CCDC62: variants seen among roughly 807,000 people sequenced by gnomAD.
The protein encoded by CCDC62 is coiled-coil domain containing 62.
CCDC62 carries 72 observed loss-of-function variants against 80.8 expected under a neutral mutation model. The ratio of observed to expected loss-of-function variants is 0.89; its 90% confidence interval spans 0.74 to 1.08. CCDC62 has a LOEUF of 1.08. CCDC62 is among the 50% of genes least tolerant of loss of function. CCDC62 has a pLI of 0.00. For synonymous variants in CCDC62, 286 were observed against 296.5 expected (o/e 0.96, Z 0.36); for missense variants, 704 against 809.4 (o/e 0.87, Z 1.58).
intron 10 of CCDC62, among the ~76,000 whole-genome samples, chr12:122,811,975 T>C (rs2031912172): frequency 6.6e-6 from 1 of 152,118 alleles, no homozygotes; most frequent in African/African-American, 2.4e-5. Context: ...TTTCAAGGCT[T>C]ATAAGCCTTT....
At chr12:122,798,393 A>T (rs1159883202) in intron 8 of CCDC62, among the ~76,000 whole-genome samples, 193 bp downstream of exon 8, 1 of 152,108 alleles carries the variant, frequency 6.6e-6, no homozygotes, top group African/African-American at 2.4e-5. Context: ...ACCTGAGGTC[A>T]GGAGTTCGAG....
At chr12:122,806,065 C>T in intron 9 of CCDC62, 86 bp from the exon 10 acceptor site, 1 of 1,233,176 alleles carries the variant, frequency 8.1e-7, no homozygotes, top group Non-Finnish European at 1.1e-6. Context: ...CTTATTTGTC[C>T]TTTTAAGATA....
intron 10 of CCDC62, 108 bp from the exon 11 acceptor site, chr12:122,813,162 G>C: frequency 8.2e-7 from 1 of 1,217,258 alleles, no homozygotes; most frequent in East Asian, 2.5e-5. Flanking sequence ...CTGCACTTCA[G>C]CCTGGGCGTC....
rs370873598 is a variant in CCDC62 at position 122,823,584 on chromosome 12, G to A, written c.*40+125G>A. The A allele has an allele frequency of 1.4e-4, 79 of 565,122 alleles. No individual in the cohort carries two copies. In the African/African-American group the frequency reaches 1.4e-3, roughly 10 times the overall value. The allele number at this position is 565,122 out of a possible 1,614,324, so 35.0% of individuals were successfully genotyped here. A position where few individuals can be genotyped will look rare whatever the true frequency, so the allele number is the denominator to read the frequency against. On this transcript the variant is annotated intron_variant, in intron 12 of 12. Transcript: ENST00000253079. The stretch of plus-strand genomic sequence containing the variant: ...ACTTGTAATACTTTCTCTTTTGCTC[G>A]ACCAATTTATGCATACTTCTAAATT...
chr12:122,775,519 C>G (rs1206224295), intron 1 of CCDC62, among the ~76,000 whole-genome samples: 2 of 152,198 alleles, frequency 1.3e-5, no homozygotes, highest in Non-Finnish European at 2.9e-5. Context: ...GAAGGGCTAA[C>G]CCAACACTGG....
intron 11 of CCDC62, among the ~76,000 whole-genome samples, chr12:122,813,728 C>T (rs979848600): frequency 6.6e-6 from 1 of 152,118 alleles, no homozygotes; most frequent in Non-Finnish European, 1.5e-5. Context: ...ACGATCTCAG[C>T]TCATTGCAAC....
At chr12:122,795,463 G>A (rs902599243) in intron 6 of CCDC62, among the ~76,000 whole-genome samples, 2 of 151,272 alleles carry the variant, frequency 1.3e-5, no homozygotes, top group Admixed American at 6.6e-5. Flanking sequence ...TCTCGCTGTC[G>A]CCCAGGCTGG....
At chr12:122,781,961 T>C (rs2029889368) in intron 3 of CCDC62, among the ~76,000 whole-genome samples, 1 of 151,362 alleles carries the variant, frequency 6.6e-6, no homozygotes, top group Non-Finnish European at 1.5e-5. Flanking sequence ...GGAGGATCAC[T>C]TGAGCCCAGG....
intron 11 of CCDC62, among the ~76,000 whole-genome samples, chr12:122,822,645 C>T (rs1160485768): frequency 8.1e-6 from 1 of 122,728 alleles, no homozygotes; most frequent in Non-Finnish European, 1.6e-5. Context: ...GCGATCTTGG[C>T]TCACTGTAAG....
intron 11 of CCDC62, among the ~76,000 whole-genome samples, chr12:122,814,498 CT>C (rs2032083270): frequency 7.0e-6 from 1 of 142,000 alleles, no homozygotes; most frequent in African/African-American, 2.6e-5. Flanking sequence ...CAGATATGGA[CT>C]TTTAATTTTT....
intron 8 of CCDC62, among the ~76,000 whole-genome samples, chr12:122,798,602 A>T (rs772575455): frequency 6.6e-5 from 10 of 151,056 alleles, no homozygotes; most frequent in Non-Finnish European, 1.2e-4. Context: ...ATTCTGTTTC[A>T]AAATAAATAA....
At chr12:122,815,445 G>GTTTTTT (rs35270295) in intron 11 of CCDC62, among the ~76,000 whole-genome samples, 6 of 148,628 alleles carry the variant, frequency 4.0e-5, no homozygotes, top group Non-Finnish European at 8.9e-5. Flanking sequence ...AACTTAACAG[G>GTTTTTT]TTTTTTTTTT....
chr12:122,802,379 A>C (rs1298858738), intron 9 of CCDC62, among the ~76,000 whole-genome samples: 3 of 141,394 alleles, frequency 2.1e-5, no homozygotes, highest in Non-Finnish European at 4.7e-5. Flanking sequence ...TGAGACCAGC[A>C]TGGGCAATAT....
rs147236254 is a variant in CCDC62, at chr12:122,811,943, C to T, written c.1852-1327C>T. Reference sequence around the variant, plus strand: ...AAAGTTGAAATTTAATAGGAATAAACGAAGGCACATACCCACATATTTTTC... The same window carrying T: ...AAAGTTGAAATTTAATAGGAATAAATGAAGGCACATACCCACATATTTTTC... On this transcript the variant is annotated intron_variant, in intron 10 of 12. Transcript: ENST00000253079. Among the ~76,000 whole-genome samples, 13 of 148,854 alleles carry T rather than the reference C, an allele frequency of 8.7e-5. No individual in the cohort carries two copies. In the East Asian group the frequency reaches 1.6e-3, roughly 18 times the overall value.
rs1376933085 is a variant in CCDC62, at chr12:122,826,900, T to C, written c.*519T>C. On this transcript the variant is annotated 3_prime_UTR_variant, in exon 13 of 13. Transcript: ENST00000253079. ...ATGGTTTTAGCTTTTGACTTTGCTG[T>C]GTAAATAGACATAAGGTGCTTTGAT... 6.5e-6 allele frequency: 1 copy of C among 154,590 alleles called. No individual in the cohort carries two copies. Among genetic ancestry groups the C allele is most frequent in the Non-Finnish European group, 1.4e-5 (1 of 69,738 alleles). 9.6% of individuals were successfully genotyped at this position (154,590 alleles called of 1,614,324 possible).
chr12:122,782,442 A>G (rs367794607), intron 3 of CCDC62, among the ~76,000 whole-genome samples: 19 of 152,112 alleles, frequency 1.2e-4, no homozygotes, highest in African/African-American at 4.3e-4. Context: ...TGGTAGCCTC[A>G]ATGATGTTTT....
intron 6 of CCDC62, among the ~76,000 whole-genome samples, chr12:122,793,913 A>T (rs79426485): frequency 0.056 from 8,482 of 152,236 alleles, 411 homozygotes; most frequent in East Asian, 0.27. Flanking sequence ...TGCTAAAGAT[A>T]TCACATATTT....
chr12:122,782,474 T>C (rs2029925766), intron 3 of CCDC62, among the ~76,000 whole-genome samples: 1 of 152,164 alleles, frequency 6.6e-6, no homozygotes, highest in Non-Finnish European at 1.5e-5. Flanking sequence ...TGTGTTTTTT[T>C]TGAGATGGAG....
chr12:122,783,560 G>A (rs999060238), intron 3 of CCDC62, among the ~76,000 whole-genome samples: 2 of 151,922 alleles, frequency 1.3e-5, no homozygotes, highest in African/African-American at 4.8e-5. Flanking sequence ...TTTCATATAC[G>A]TCTTGGTAAT....
Sources: allele counts gnomAD v4.1 joint callset (sites outside exome capture counted in the v4.1 genomes callset), GRCh38; gene constraint gnomAD v4.1.1; transcripts MANE v1.5; gene names NCBI Gene and HGNC (gene_info 2026-07-23, HGNC 2026-07-21).